The following ALPK2 variants were observed in gnomAD, a reference collection of about 807,000 sequenced individuals.
ALPK2 encodes alpha-protein kinase 2.
In ALPK2, 127 loss-of-function variants were observed where a neutral mutation model predicts 163.1. That is an observed-to-expected ratio of 0.78 (90% CI 0.67 to 0.90). ALPK2 has a LOEUF of 0.90. Ranked by LOEUF, ALPK2 falls within the 40% of genes least tolerant of loss-of-function variation. The pLI, the probability that ALPK2 is intolerant of heterozygous loss-of-function variation, is 0.00. For missense variants in ALPK2, 2,360 were observed against 2,589.6 expected (o/e 0.91, Z 1.92); for synonymous variants, 953 against 959.1 (o/e 0.99, Z 0.12).
chr18:58,538,109 T>C lies in ALPK2; in HGVS notation c.2078A>G (p.Asn693Ser). Residue 693 changes from asparagine (N) to serine (S), a missense_variant, in exon 5 of 13, where the codon AAC becomes AGC. Asn to Ser is a conservative substitution (Grantham distance 46). Transcript: ENST00000361673. ...ATTTTCCTTGTGGACCCCTCCTAAG[T>C]TTGAGAAGGAAATTGTTGTGGTCCC... ...FTGTTTISFS[N>S]LGGVHKENAS... The C allele has an allele frequency of 6.2e-7, 1 of 1,614,128 alleles. No homozygotes were observed.
At chr18:58,621,312 T>C (rs2052197707) in intron 1 of ALPK2, among the ~76,000 whole-genome samples, 2 of 151,036 alleles carry the variant, frequency 1.3e-5, no homozygotes, top group East Asian at 1.9e-4. Context: ...TCTCGCTCTG[T>C]CACCCAGGCT....
chr18:58,561,644 T>C (rs2051826088), intron 4 of ALPK2, among the ~76,000 whole-genome samples: 1 of 152,190 alleles, frequency 6.6e-6, no homozygotes, highest in African/African-American at 2.4e-5. Flanking sequence ...GCCTGATCAC[T>C]GGGGATCCTC....
At chr18:58,619,348 A>C (rs2052186527) in intron 1 of ALPK2, among the ~76,000 whole-genome samples, 2 of 151,722 alleles carry the variant, frequency 1.3e-5, no homozygotes, top group Non-Finnish European at 1.5e-5. Context: ...ATAACTTCTC[A>C]CAGCCTGCAA....
At chr18:58,617,237 A>G (rs2052174670) in intron 1 of ALPK2, among the ~76,000 whole-genome samples, 2 of 152,200 alleles carry the variant, frequency 1.3e-5, no homozygotes, top group African/African-American at 4.8e-5. Flanking sequence ...CCCAGGCTAG[A>G]GTGCAATGGC....
chr18:58,524,796 C>A (rs1251747776), intron 6 of ALPK2, among the ~76,000 whole-genome samples: 2 of 152,112 alleles, frequency 1.3e-5, no homozygotes, highest in African/African-American at 4.8e-5. Flanking sequence ...GATGAGGAAA[C>A]TGAGGCATAG....
chr18:58,557,745 C>A (rs2051802378), intron 4 of ALPK2, among the ~76,000 whole-genome samples: 1 of 150,606 alleles, frequency 6.6e-6, no homozygotes, highest in African/African-American at 2.5e-5. Context: ...GTCATTGGAT[C>A]AGCTGTAAAA....
In ALPK2 at chr18:58,535,569, G is replaced by T; in HGVS notation, c.4618C>A (p.Pro1540Thr). 6.2e-7 allele frequency: 1 copy of T among 1,614,218 alleles called. No homozygotes were observed. Among genetic ancestry groups the T allele is most frequent in the Non-Finnish European group, 8.5e-7 (1 of 1,180,030 alleles). Residue 1540 changes from proline (P) to threonine (T), a missense_variant, in exon 5 of 13, where the codon CCT (proline) becomes ACT (threonine). Coordinates refer to ENST00000361673, the MANE Select transcript of ALPK2 (RefSeq NM_052947.4). ...ATTATTGGAAGACAACTAGAAAGAG[G>T]TGAAGTGGGGGAAATCAATTCTGCT... ...DKAELISPTS[P>T]LSSCLPIMTH...
chr18:58,515,602 A>G (rs1180869193), intron 9 of ALPK2, among the ~76,000 whole-genome samples: 1 of 152,202 alleles, frequency 6.6e-6, no homozygotes, highest in African/African-American at 2.4e-5. Context: ...ACTGTGTCAT[A>G]TTTGAGATGG....
intron 12 of ALPK2, among the ~76,000 whole-genome samples, chr18:58,497,832 A>G (rs543081593): frequency 3.8e-4 from 58 of 152,324 alleles, no homozygotes; most frequent in Non-Finnish European, 7.1e-4. Context: ...AAGAGTTCTC[A>G]TTTGTTTCAA....
At chr18:58,539,873 T>C (rs2051681465) in intron 4 of ALPK2, among the ~76,000 whole-genome samples, 2 of 152,246 alleles carry the variant, frequency 1.3e-5, no homozygotes, top group African/African-American at 4.8e-5. Flanking sequence ...TCCCCCAGGC[T>C]GCTTACAGCC....
intron 4 of ALPK2, among the ~76,000 whole-genome samples, chr18:58,552,091 T>A (rs942663402): frequency 6.6e-6 from 1 of 151,350 alleles, no homozygotes; most frequent in Non-Finnish European, 1.5e-5. Context: ...ATCATCACTT[T>A]AAAAAAAAAT....
intron 10 of ALPK2, among the ~76,000 whole-genome samples, chr18:58,510,166 G>A (rs2051482736): frequency 6.6e-6 from 1 of 152,096 alleles, no homozygotes; most frequent in Admixed American, 6.5e-5. Flanking sequence ...TCTTGTTTTT[G>A]TGAGGTTTGT....
intron 11 of ALPK2, 57 bp downstream of exon 11, chr18:58,503,874 C>T (rs1175580369): frequency 6.6e-7 from 1 of 1,521,468 alleles, no homozygotes; most frequent in Middle Eastern, 2.1e-4. Context: ...TCTCCACCCA[C>T]AGGAACATCT....
intron 11 of ALPK2, among the ~76,000 whole-genome samples, chr18:58,499,289 G>A (rs560168761): frequency 2.6e-5 from 4 of 152,302 alleles, no homozygotes; most frequent in Admixed American, 2.0e-4. Flanking sequence ...CTTTCCAGCA[G>A]GAGGGGTAGG....
chr18:58,551,988 T>G (rs1308211534), intron 4 of ALPK2, among the ~76,000 whole-genome samples: 1 of 152,052 alleles, frequency 6.6e-6, no homozygotes, highest in Non-Finnish European at 1.5e-5. Context: ...AACTAGAAAT[T>G]TAAGAGATGA....
Position 58,579,134 on chromosome 18 carries a change from T to C in ALPK2, c.1642A>G (p.Lys548Glu), listed in dbSNP as rs1229689003. 3.7e-6 allele frequency: 6 copies of C among 1,614,210 alleles called. No individual in the cohort carries two copies. In the South Asian group the frequency reaches 6.6e-5, roughly 18 times the overall value. Residue 548 changes from lysine (K) to glutamate (E), a missense_variant, in exon 4 of 13, where the codon AAG (lysine) becomes GAG (glutamate). By Grantham distance (56) the Lys-to-Glu change is moderately conservative (BLOSUM62 1). Coordinates refer to ENST00000361673, the MANE Select transcript of ALPK2 (RefSeq NM_052947.4). ...CTTTCTCTCAGGTTGGCATTCGGCT[T>C]CTTGGGATTTCCCTTCATTCCCGGC... ...RQPGMKGNPK[K>E]PNANLRESTT...
chr18:58,546,004 G>A (rs566901974), intron 4 of ALPK2, among the ~76,000 whole-genome samples: 2 of 152,258 alleles, frequency 1.3e-5, no homozygotes, highest in African/African-American at 2.4e-5. Flanking sequence ...TAGATAGCCC[G>A]GTCCCCAGCC....
At chr18:58,615,156 A>T (rs758754673) in intron 1 of ALPK2, among the ~76,000 whole-genome samples, 1 of 152,006 alleles carries the variant, frequency 6.6e-6, no homozygotes, top group African/African-American at 2.4e-5. Context: ...CACTTAACAC[A>T]ATGTTTTTGG....
intron 4 of ALPK2, among the ~76,000 whole-genome samples, chr18:58,541,502 CT>C (rs1369232587): frequency 6.6e-6 from 1 of 152,232 alleles, no homozygotes; most frequent in African/African-American, 2.4e-5. Context: ...GCCCCTCTTA[CT>C]TTTAAATTAA....
Sources: allele counts gnomAD v4.1 joint callset (sites outside exome capture counted in the v4.1 genomes callset), GRCh38; gene constraint gnomAD v4.1.1; transcripts MANE v1.5; gene names NCBI Gene and HGNC (gene_info 2026-07-23, HGNC 2026-07-21).